HACL1: variants seen among roughly 807,000 people sequenced by gnomAD.
HACL1 encodes 1600020H07Rik.
In HACL1, 64 loss-of-function variants were observed where a neutral mutation model predicts 74.2. The ratio of observed to expected loss-of-function variants is 0.86; its 90% CI spans 0.70 to 1.06. The LOEUF (loss-of-function observed/expected upper bound fraction) is 1.06, where lower values mean the gene tolerates loss of function less well. HACL1 is among the 50% of genes least tolerant of loss of function. HACL1 has a pLI of 0.00. For synonymous variants in HACL1, 230 were observed against 238.8 expected (o/e 0.96, Z 0.34); for missense variants, 728 against 719.7 (o/e 1.01, Z -0.13).
chr3:15,600,620 C>G (rs887438195), intron 2 of HACL1, among the ~76,000 whole-genome samples: 2 of 152,222 alleles, frequency 1.3e-5, no homozygotes, highest in African/African-American at 4.8e-5. Context: ...ACCAATCATA[C>G]AACAAAGCCT....
chr3:15,594,761 A>G (rs77182067), intron 3 of HACL1, among the ~76,000 whole-genome samples: 3,004 of 152,346 alleles, frequency 0.02, 102 homozygotes, highest in African/African-American at 0.068. Flanking sequence ...AATGTAAACA[A>G]GTCATACGGC....
chr3:15,577,723 A>G (rs2063650950), intron 9 of HACL1, among the ~76,000 whole-genome samples: 1 of 152,020 alleles, frequency 6.6e-6, no homozygotes, highest in Non-Finnish European at 1.5e-5. Context: ...GCTTTAGCCC[A>G]GCAGGCAGAG....
At chr3:15,591,976 T>C (rs186566427) in intron 3 of HACL1, among the ~76,000 whole-genome samples, 10 of 149,356 alleles carry the variant, frequency 6.7e-5, no homozygotes, top group South Asian at 4.2e-4. Context: ...TGTATATATA[T>C]ACACACTATA....
In HACL1 at chr3:15,580,035, G is replaced by A. The variant is rs768635721; in HGVS notation, c.678C>T (p.Tyr226=). Residue 226 remains tyrosine (Y), a synonymous_variant, in exon 9 of 17, where the codon TAC becomes TAT. Transcript: ENST00000321169. ...TCTTGATACTCTCTTCTGCATGAGC[G>A]TAAGCAGCACCTATAAGAAATGCAA... ...PLLIIGKGAA[Y]AHAEESIKKL... The A allele has an allele frequency of 1.5e-5, 24 of 1,611,776 alleles. No individual in the cohort carries two copies. Among genetic ancestry groups the A allele is most frequent in the Non-Finnish European group, 2.0e-5 (23 of 1,178,234 alleles).
chr3:15,583,058 A>G, intron 7 of HACL1, 69 bp from the exon 8 acceptor site: 1 of 737,370 alleles, frequency 1.4e-6, no homozygotes, highest in East Asian at 2.6e-5. Context: ...AATTTCAAAT[A>G]TATAGAAAGG....
intron 3 of HACL1, among the ~76,000 whole-genome samples, chr3:15,594,144 A>G (rs1365045558): frequency 6.6e-6 from 1 of 152,166 alleles, no homozygotes; most frequent in Non-Finnish European, 1.5e-5. Flanking sequence ...ACGGTGGCTG[A>G]CGTCTGTAAT....
At chr3:15,585,584 T>C (rs576415458) in intron 6 of HACL1, among the ~76,000 whole-genome samples, 1 of 152,326 alleles carries the variant, frequency 6.6e-6, no homozygotes, top group Non-Finnish European at 1.5e-5. Context: ...CATGTTCTAT[T>C]ACACTTTAGC....
chr3:15,575,911 A>G (rs1450839347), intron 9 of HACL1, among the ~76,000 whole-genome samples: 1 of 151,914 alleles, frequency 6.6e-6, no homozygotes, highest in Admixed American at 6.6e-5. Context: ...TAATCCCAAC[A>G]CTTTGGGAGG....
chr3:15,561,983 T>C (rs1042494432), intron 16 of HACL1, among the ~76,000 whole-genome samples: 17 of 152,180 alleles, frequency 1.1e-4, no homozygotes, highest in African/African-American at 4.1e-4. Flanking sequence ...ATTATATGTA[T>C]TCATTAAGCT....
At chr3:15,598,020 TG>T (rs200883346) in intron 2 of HACL1, among the ~76,000 whole-genome samples, 1,641 of 151,610 alleles carry the variant, frequency 0.011, 96 homozygotes, top group Admixed American at 0.079. Flanking sequence ...TGTTTTGTTT[TG>T]TTTTTTTTTT....
chr3:15,572,370 G>A (rs1255437004), intron 11 of HACL1, among the ~76,000 whole-genome samples: 1 of 152,128 alleles, frequency 6.6e-6, no homozygotes, highest in Non-Finnish European at 1.5e-5. Context: ...CTTTTGTTTG[G>A]TCAGTGTGGG....
intron 3 of HACL1, among the ~76,000 whole-genome samples, chr3:15,592,481 T>C (rs61728601): frequency 7.2e-6 from 1 of 138,066 alleles, no homozygotes; most frequent in African/African-American, 2.7e-5. Context: ...CACGTATACA[T>C]ACACTTGTAT....
In HACL1 at chr3:15,566,735, T is replaced by A. The variant is rs971532588; in HGVS notation, c.1409+1109A>T. On this transcript the variant is annotated intron_variant, in intron 14 of 16. Coordinates refer to ENST00000321169, the MANE Select transcript of HACL1 (RefSeq NM_012260.4). Reference sequence around the variant, plus strand: ...AGGTAGGAACTATTACTATTCCTACTTTTTTTTTTTCAAGGAATTTCTGCC... The same window carrying A: ...AGGTAGGAACTATTACTATTCCTACATTTTTTTTTTCAAGGAATTTCTGCC... 1.6e-4 allele frequency among the ~76,000 whole-genome samples: 13 copies of A among 79,416 alleles called. No homozygotes were observed. The East Asian group carries it at 5.1e-3, about 31-fold the overall frequency. 52.1% of individuals were successfully genotyped at this position (79,416 alleles called of 152,430 possible). A position where few individuals can be genotyped will look rare whatever the true frequency, so the allele number is the denominator to read the frequency against.
chr3:15,561,327 C>T (rs1474710897), intron 16 of HACL1, among the ~76,000 whole-genome samples: 2 of 152,214 alleles, frequency 1.3e-5, no homozygotes, highest in Non-Finnish European at 2.9e-5. Flanking sequence ...TAGGCATTCC[C>T]ATATTGAGGC....
intron 8 of HACL1, among the ~76,000 whole-genome samples, chr3:15,580,868 G>GT (rs1184871866): frequency 6.6e-6 from 1 of 152,194 alleles, no homozygotes; most frequent in Non-Finnish European, 1.5e-5. Context: ...TTCTGTGATT[G>GT]TAACAGAGCT....
At chr3:15,594,774 G>A (rs1404440006) in intron 3 of HACL1, among the ~76,000 whole-genome samples, 2 of 152,128 alleles carry the variant, frequency 1.3e-5, no homozygotes, top group African/African-American at 4.8e-5. Context: ...CATACGGCTC[G>A]TGGCTACTAT....
At chr3:15,570,634 G>GCACACA (rs111413291) in intron 12 of HACL1, among the ~76,000 whole-genome samples, 3 of 148,120 alleles carry the variant, frequency 2.0e-5, no homozygotes, top group South Asian at 2.1e-4. Flanking sequence ...ACACACACAT[G>GCACACA]CACACACACA....
chr3:15,599,919 AG>A, intron 2 of HACL1, among the ~76,000 whole-genome samples: 1 of 152,374 alleles, frequency 6.6e-6, no homozygotes, highest in Middle Eastern at 3.4e-3. Flanking sequence ...AGTTAAGTAT[AG>A]GTTCCATTCA....
Position 15,565,412 on chromosome 3 carries a change from G to A in HACL1, c.1410-754C>T, listed in dbSNP as rs1463288720. Among the ~76,000 whole-genome samples, 3 of 152,178 alleles carry A rather than the reference G, an allele frequency of 2.0e-5. No homozygotes were observed. In the East Asian group the frequency reaches 5.8e-4, roughly 29 times the overall value. On this transcript the variant is annotated intron_variant, in intron 14 of 16. Transcript: ENST00000321169. ...GCTAGATGCTGTGGAAGATACACAAGTAACTAGCACACACAATCTGCACTC... is the reference window on the plus strand; with the variant it reads ...GCTAGATGCTGTGGAAGATACACAAATAACTAGCACACACAATCTGCACTC...
Sources: gnomAD v4.1 joint callset for allele counts (sites outside exome capture counted in the v4.1 genomes callset) on GRCh38, gnomAD v4.1.1 for gene constraint, MANE v1.5 for transcripts, NCBI Gene and HGNC (gene_info 2026-07-23, HGNC 2026-07-21) for gene names.